Variants in CYP4X1 observed in about 807,000 individuals in gnomAD.
The protein encoded by CYP4X1 is cytochrome P450 4X1.
In CYP4X1, 44 loss-of-function variants were observed where a neutral mutation model predicts 57.9. The observed-to-expected ratio is 0.76, with a 90% CI of 0.60 to 0.98. CYP4X1 has a LOEUF of 0.98. CYP4X1 is among the 50% of genes least tolerant of loss of function. The pLI is 0.00. For synonymous variants in CYP4X1, 227 were observed against 228.6 expected (o/e 0.99, Z 0.06); for missense variants, 532 against 623.9 (o/e 0.85, Z 1.57).
the CYP4X1 span, among the ~76,000 whole-genome samples, chr1:46,975,586 G>T: frequency 6.6e-6 from 1 of 152,026 alleles, no homozygotes; most frequent in Non-Finnish European, 1.5e-5. Flanking sequence ...CTTTCTAGCT[G>T]CATTTCATAT....
At chr1:47,006,146 T>C in the CYP4X1 span, among the ~76,000 whole-genome samples, 1 of 152,244 alleles carries the variant, frequency 6.6e-6, no homozygotes, top group Admixed American at 6.5e-5. Context: ...ATAAACTTTT[T>C]GTGTAAATTA....
the CYP4X1 span, among the ~76,000 whole-genome samples, chr1:47,000,328 T>C: frequency 1.3e-5 from 2 of 152,134 alleles, no homozygotes; most frequent in Non-Finnish European, 2.9e-5. Flanking sequence ...TCTTTTGTTA[T>C]AAACAACTCA....
At chr1:46,997,620 T>G in the CYP4X1 span, among the ~76,000 whole-genome samples, 1 of 152,246 alleles carries the variant, frequency 6.6e-6, no homozygotes, top group African/African-American at 2.4e-5. Flanking sequence ...TGATGGACTC[T>G]TAGGTTGATT....
At chr1:47,019,840 T>G (rs567494552), upstream of CYP4X1, among the ~76,000 whole-genome samples, 1 of 152,354 alleles carries the variant, frequency 6.6e-6, no homozygotes, top group East Asian at 1.9e-4. Flanking sequence ...ACCTTGATTA[T>G]TATGAGGAAG....
At chr1:47,028,569 T>A (rs1185062922) in intron 1 of CYP4X1, among the ~76,000 whole-genome samples, 1 of 152,228 alleles carries the variant, frequency 6.6e-6, no homozygotes, top group Admixed American at 6.5e-5. Context: ...TGTATTTAGA[T>A]GCTTCTCTGG....
chr1:46,983,907 G>A, the CYP4X1 span, among the ~76,000 whole-genome samples: 2 of 152,132 alleles, frequency 1.3e-5, no homozygotes, highest in East Asian at 3.9e-4. Context: ...TGGATGCTAT[G>A]CCTGCAGTCT....
At chr1:46,986,562 AC>A in the CYP4X1 span, among the ~76,000 whole-genome samples, 1 of 152,190 alleles carries the variant, frequency 6.6e-6, no homozygotes, top group African/African-American at 2.4e-5. Flanking sequence ...CGAGAAGAGC[AC>A]CCCCAAGACA....
the CYP4X1 span, among the ~76,000 whole-genome samples, chr1:47,006,937 A>G: frequency 6.6e-6 from 1 of 152,228 alleles, no homozygotes; most frequent in African/African-American, 2.4e-5. Flanking sequence ...TGGGAAGCTC[A>G]AACTGGGTGG....
At chr1:47,010,363 C>T in the CYP4X1 span, among the ~76,000 whole-genome samples, 311 of 152,248 alleles carry the variant, frequency 2.0e-3, no homozygotes, top group African/African-American at 7.1e-3. Context: ...ATTCAACAAC[C>T]TTCATGCTAA....
chr1:46,979,580 T>G, the CYP4X1 span, among the ~76,000 whole-genome samples: 1 of 152,168 alleles, frequency 6.6e-6, no homozygotes, highest in Non-Finnish European at 1.5e-5. Context: ...CTTCTGAAAC[T>G]ATTCCAATCA....
the CYP4X1 span, among the ~76,000 whole-genome samples, chr1:46,995,972 A>G: frequency 7.0e-4 from 106 of 152,278 alleles, no homozygotes; most frequent in African/African-American, 2.5e-3. Flanking sequence ...AGAGGTGTAG[A>G]GTCATAGTGC....
At chr1:47,016,483 AG>A in the CYP4X1 span, among the ~76,000 whole-genome samples, 1 of 152,030 alleles carries the variant, frequency 6.6e-6, no homozygotes, top group Non-Finnish European at 1.5e-5. Flanking sequence ...CTGGGACTAC[AG>A]GGGCCCACCA....
At chr1:47,031,585 G>A in intron 3 of CYP4X1, 105 bp downstream of exon 3, 5 of 1,295,348 alleles carry the variant, frequency 3.9e-6, no homozygotes, top group Non-Finnish European at 5.5e-6. Flanking sequence ...AGCACAAAGA[G>A]TGCAAGGTAG....
chr1:47,035,683 G>T, intron 4 of CYP4X1, 123 bp from the exon 5 acceptor site: 2 of 1,383,912 alleles, frequency 1.4e-6, no homozygotes, highest in Non-Finnish European at 1.9e-6. Flanking sequence ...TGTGATCTTT[G>T]GTTCCTGCTG....
upstream of CYP4X1, among the ~76,000 whole-genome samples, chr1:47,021,035 C>T (rs958945494): frequency 1.4e-5 from 2 of 146,714 alleles, no homozygotes; most frequent in Non-Finnish European, 3.0e-5. Context: ...GGCTTATTTC[C>T]ATCTAGAGGC....
chr1:47,051,915 GGTTA>G (rs201333992), downstream of CYP4X1, among the ~76,000 whole-genome samples: 11,144 of 151,936 alleles, frequency 0.073, 520 homozygotes, highest in East Asian at 0.22. Context: ...AAATGGGTTA[GGTTA>G]GTTCTTTAAA....
intron 1 of CYP4X1, among the ~76,000 whole-genome samples, chr1:47,028,419 T>C (rs1341542224): frequency 6.6e-6 from 1 of 152,210 alleles, no homozygotes; most frequent in African/African-American, 2.4e-5. Flanking sequence ...TTAAATAACA[T>C]AGAACATGGA....
the CYP4X1 span, among the ~76,000 whole-genome samples, chr1:46,972,611 T>G: frequency 5.3e-5 from 8 of 152,196 alleles, no homozygotes; most frequent in Non-Finnish European, 1.0e-4. Flanking sequence ...TGTGATTCTT[T>G]CAGTAGTGTT....
intron 8 of CYP4X1, among the ~76,000 whole-genome samples, chr1:47,043,573 T>TAG (rs1418465615): frequency 1.3e-5 from 2 of 151,976 alleles, no homozygotes; most frequent in African/African-American, 2.4e-5. Context: ...CCTAAGCCAA[T>TAG]ATCTAGAAGG....
Sources: allele counts gnomAD v4.1 joint callset (sites outside exome capture counted in the v4.1 genomes callset), GRCh38; gene constraint gnomAD v4.1.1; transcripts MANE v1.5; gene names NCBI Gene and HGNC (gene_info 2026-07-23, HGNC 2026-07-21).